MDFIC2: variants seen among roughly 807,000 people sequenced by gnomAD.
The protein encoded by MDFIC2 is MyoD family inhibitor domain containing 2.
Position 70,195,743 on chromosome 3 carries a change from A to AAGT in MDFIC2, c.*1180_*1182dup, listed in dbSNP as rs1701170363. 6.6e-6 allele frequency among the ~76,000 whole-genome samples: 1 copy of AAGT among 152,220 alleles called. No individual in the cohort carries two copies. ...AGATATATCCATGGAAATTAACACA[A>AAGT]AGTAATGAGCAATGTATTTGCCCAA... On this transcript the variant is annotated 3_prime_UTR_variant, in exon 4 of 4. Coordinates refer to ENST00000567252, the MANE Select transcript of MDFIC2 (RefSeq NM_001364677.1).
At chr3:70,221,548 C>A (rs1189638232) in intron 2 of MDFIC2, among the ~76,000 whole-genome samples, 1 of 151,940 alleles carries the variant, frequency 6.6e-6, no homozygotes, top group Non-Finnish European at 1.5e-5. Context: ...CCCTCAGGAG[C>A]TTTATGGCCT....
At chr3:70,197,755 T>C (rs1204240566) in intron 3 of MDFIC2, among the ~76,000 whole-genome samples, 3 of 152,252 alleles carry the variant, frequency 2.0e-5, no homozygotes, top group Admixed American at 6.5e-5. Flanking sequence ...TTGTGTTTTA[T>C]TTTTAATCTC....
chr3:70,239,567 A>G (rs916972451), intron 2 of MDFIC2, among the ~76,000 whole-genome samples: 1 of 152,214 alleles, frequency 6.6e-6, no homozygotes, highest in African/African-American at 2.4e-5. Context: ...ATTTGAATTT[A>G]GAGACACATA....
At chr3:70,243,034 A>G (rs1474699103) in intron 2 of MDFIC2, among the ~76,000 whole-genome samples, 1 of 152,120 alleles carries the variant, frequency 6.6e-6, no homozygotes, top group Non-Finnish European at 1.5e-5. Flanking sequence ...GGTTTTTAGC[A>G]TATTTCTGGT....
chr3:70,215,845 A>G (rs1000464508), intron 2 of MDFIC2, among the ~76,000 whole-genome samples: 5 of 152,124 alleles, frequency 3.3e-5, no homozygotes, highest in Non-Finnish European at 7.4e-5. Flanking sequence ...TTGACAATGG[A>G]CTCATCCTTA....
intron 2 of MDFIC2, chr3:70,283,762 GC>G (rs1030077283): frequency 1.0e-4 from 15 of 145,186 alleles, no homozygotes; most frequent in African/African-American, 3.6e-4. Context: ...AGTATGTAAT[GC>G]TTATTTTTTG....
chr3:70,251,851 T>G (rs184932258), intron 2 of MDFIC2, among the ~76,000 whole-genome samples: 1 of 152,170 alleles, frequency 6.6e-6, no homozygotes, highest in African/African-American at 2.4e-5. Flanking sequence ...GACTCATAGA[T>G]AAGCAAGAAA....
chr3:70,265,303 C>G (rs1428000126), intron 2 of MDFIC2, among the ~76,000 whole-genome samples: 2 of 152,144 alleles, frequency 1.3e-5, no homozygotes, highest in Non-Finnish European at 2.9e-5. Context: ...AAAAAACTAA[C>G]CTAGTGAGAT....
chr3:70,211,074 T>C (rs927171227), intron 2 of MDFIC2, among the ~76,000 whole-genome samples: 4 of 152,126 alleles, frequency 2.6e-5, no homozygotes, highest in Non-Finnish European at 5.9e-5. Flanking sequence ...CCATGTTTTC[T>C]CTCATTTGAC....
chr3:70,303,763 C>T (rs142494666), intron 2 of MDFIC2, among the ~76,000 whole-genome samples: 3,435 of 152,158 alleles, frequency 0.023, 83 homozygotes, highest in South Asian at 0.079. Flanking sequence ...CTCACTGCAA[C>T]CTCCGCCTCC....
At chr3:70,236,670 G>A (rs1194519930) in intron 2 of MDFIC2, among the ~76,000 whole-genome samples, 5 of 151,880 alleles carry the variant, frequency 3.3e-5, no homozygotes, top group East Asian at 1.9e-4. Context: ...ATCATGGCTC[G>A]CTGCAGTCTC....
chr3:70,281,389 G>A (rs1702081583), intron 2 of MDFIC2, among the ~76,000 whole-genome samples: 1 of 152,094 alleles, frequency 6.6e-6, no homozygotes, highest in Non-Finnish European at 1.5e-5. Context: ...ACGATCATAA[G>A]CTTCAGAATT....
In MDFIC2 at chr3:70,194,831, G is replaced by C. The variant is rs1034576105; in HGVS notation, c.*2095C>G. Among the ~76,000 whole-genome samples, 16 of 152,114 alleles carry C rather than the reference G, an allele frequency of 1.1e-4. No individual in the cohort carries two copies. The highest frequency in any genetic ancestry group is 3.9e-4 in the African/African-American group (16 of 41,448). ...AATGATACCAGGTACCATATTATAG[G>C]AATAGGGTTCCAGAGACCCCCAGGT... On this transcript the variant is annotated 3_prime_UTR_variant, in exon 4 of 4. Transcript: ENST00000567252.
intron 2 of MDFIC2, among the ~76,000 whole-genome samples, chr3:70,303,278 C>G (rs1170894135): frequency 6.6e-6 from 1 of 152,140 alleles, no homozygotes; most frequent in East Asian, 1.9e-4. Flanking sequence ...ATCTACCTCT[C>G]ATTGTGTGTA....
intron 2 of MDFIC2, among the ~76,000 whole-genome samples, chr3:70,261,917 A>T (rs760932545): frequency 1.3e-5 from 2 of 152,038 alleles, no homozygotes; most frequent in African/African-American, 2.4e-5. Context: ...TTCATACCTT[A>T]CCATAAACGG....
At chr3:70,287,762 C>G (rs1273684933) in intron 2 of MDFIC2, among the ~76,000 whole-genome samples, 1 of 151,482 alleles carries the variant, frequency 6.6e-6, no homozygotes, top group East Asian at 2.0e-4. Flanking sequence ...TTCAGAGATT[C>G]AACTTCTTCC....
chr3:70,221,109 G>A lies in MDFIC2; in HGVS notation c.89-14319C>T, dbSNP rs1341189828. Among the ~76,000 whole-genome samples, 7 of 152,236 alleles carry A rather than the reference G, an allele frequency of 4.6e-5. No individual in the cohort carries two copies. In the East Asian group the frequency reaches 1.2e-3, roughly 25 times the overall value. ...ATTTTCAGATGAGAAATTTTCAGACGTGAAGTTCTTTGGAAACTGAATAGA... is the reference window on the plus strand; with the variant it reads ...ATTTTCAGATGAGAAATTTTCAGACATGAAGTTCTTTGGAAACTGAATAGA... On this transcript the variant is annotated intron_variant, in intron 2 of 3. Coordinates refer to ENST00000567252, the MANE Select transcript of MDFIC2 (RefSeq NM_001364677.1).
chr3:70,227,791 G>A (rs145473539), intron 2 of MDFIC2, among the ~76,000 whole-genome samples: 5 of 152,240 alleles, frequency 3.3e-5, no homozygotes, highest in African/African-American at 2.4e-5. Flanking sequence ...CAAATGAGGA[G>A]GCTGAGGCAC....
At chr3:70,256,362 A>G (rs1208044118) in intron 2 of MDFIC2, among the ~76,000 whole-genome samples, 2 of 152,222 alleles carry the variant, frequency 1.3e-5, no homozygotes, top group Non-Finnish European at 2.9e-5. Context: ...ATGATGATCT[A>G]TTATATAAAC....
Sources: allele counts gnomAD v4.1 joint callset (sites outside exome capture counted in the v4.1 genomes callset), GRCh38; gene constraint gnomAD v4.1.1; transcripts MANE v1.5; gene names NCBI Gene and HGNC (gene_info 2026-07-23, HGNC 2026-07-21).